Variants in DST observed in about 807,000 individuals in gnomAD.
The protein encoded by DST is dystonin.
DST carries 253 observed loss-of-function variants against 875.2 expected under a neutral mutation model. That is an observed-to-expected ratio of 0.29 (90% CI 0.26 to 0.32). The LOEUF is 0.32. DST is among the 10% of genes least tolerant of loss of function. The pLI is 1.00. For missense variants in DST, 8,287 were observed against 9,111.6 expected (o/e 0.91, Z 3.68); for synonymous variants, 3,124 against 3,197.1 (o/e 0.98, Z 0.77).
intron 80 of DST, 85 bp from the exon 81 acceptor site, chr6:56,498,138 T>A: frequency 7.6e-7 from 1 of 1,322,150 alleles, no homozygotes; most frequent in African/African-American, 1.5e-5. Context: ...TTTCTGGTTA[T>A]GAAACATCCT....
intron 32 of DST, 106 bp downstream of exon 32, chr6:56,629,144 A>G (rs531093261): frequency 1.8e-6 from 2 of 1,119,892 alleles, no homozygotes; most frequent in East Asian, 2.4e-5. Flanking sequence ...GTAATTAACA[A>G]ATTAACTATG....
At chr6:56,831,184 T>C (rs2099786508) in intron 4 of DST, among the ~76,000 whole-genome samples, 1 of 152,206 alleles carries the variant, frequency 6.6e-6, no homozygotes, top group Admixed American at 6.5e-5. Context: ...AATCTTTACA[T>C]TTGCTGAGCC....
rs2273973 is a variant in DST, at chr6:56,477,183, G to T, written c.21675+162C>A. ...TTGAGCTTTTAAAGAAAAGTGAATT[G>T]CAGAGATTGTAATGCATACAAGAAG... On this transcript the variant is annotated intron_variant, in intron 91 of 103. Coordinates refer to ENST00000680361, the MANE Select transcript of DST (RefSeq NM_001374736.1). Among the ~76,000 whole-genome samples the T allele has an allele frequency of 0.32, 48,493 of 151,982 alleles. 7,969 individuals are homozygous for T. Among genetic ancestry groups the T allele is most frequent in the Middle Eastern group, 0.44 (128 of 294 alleles).
intron 4 of DST, among the ~76,000 whole-genome samples, chr6:56,806,832 A>G (rs1275221106): frequency 6.6e-6 from 1 of 152,182 alleles, no homozygotes; most frequent in Non-Finnish European, 1.5e-5. Flanking sequence ...TATTATCCCT[A>G]TTTTATAGAC....
chr6:56,469,762 A>C (rs2094789670), intron 97 of DST, 121 bp downstream of exon 97: 1 of 827,040 alleles, frequency 1.2e-6, no homozygotes, highest in Non-Finnish European at 2.0e-6. Flanking sequence ...ATACCATTAA[A>C]TTTTGACATG....
At position 56,595,784 on chromosome 6, in the gene DST, CA is replaced by C. The variant is rs372758573; in HGVS notation, c.12196-1592del. Among the ~76,000 whole-genome samples, 17 of 135,366 alleles carry C rather than the reference CA, an allele frequency of 1.3e-4. 1 individual carries two copies. Among genetic ancestry groups the C allele is most frequent in the African/African-American group, 5.7e-4 (15 of 26,136 alleles). 88.8% of individuals were successfully genotyped at this position (135,366 alleles called of 152,430 possible). ...TTGAAATACATTCATATGCTACCCCCACCCCACCCCGAGAAGGGCTTTGCAC... is the reference window on the plus strand; with the variant it reads ...TTGAAATACATTCATATGCTACCCCCCCCCACCCCGAGAAGGGCTTTGCAC... On this transcript the variant is annotated intron_variant, in intron 47 of 103. Transcript: ENST00000680361.
intron 55 of DST, among the ~76,000 whole-genome samples, chr6:56,565,156 T>TGTC (rs1407285266): frequency 6.7e-6 from 1 of 149,490 alleles, no homozygotes; most frequent in Non-Finnish European, 1.5e-5. Flanking sequence ...AGTATTGCTC[T>TGTC]GTCACCCAGG....
At position 56,482,761 on chromosome 6, in the gene DST, C is replaced by T. The variant is rs1257017632; in HGVS notation, c.21324G>A (p.Gln7108=). The change falls in exon 89 of 104, where the codon CAG becomes CAA. Residue 7108 remains glutamine (Q), a synonymous_variant. Transcript: ENST00000680361. ...DDSSWVKVQM[Q]ELSTRWETVC... is the part of the protein sequence containing the mutation. ...CGGTCTCCCAGCGTGTGCTTAATTC[C>T]TGCATCTGGACCTTGACCCAGGAGG... 7.4e-6 allele frequency: 12 copies of T among 1,613,776 alleles called. No homozygotes were observed. The highest frequency in any genetic ancestry group is 3.3e-4 in the Middle Eastern group (2 of 6,082).
intron 4 of DST, among the ~76,000 whole-genome samples, chr6:56,757,054 T>C (rs1031113287): frequency 1.3e-5 from 2 of 152,182 alleles, no homozygotes; most frequent in African/African-American, 2.4e-5. Context: ...CAGACTATTT[T>C]CATTTTAAAG....
intron 4 of DST, among the ~76,000 whole-genome samples, chr6:56,811,640 T>C (rs1025027418): frequency 7.2e-5 from 11 of 152,202 alleles, no homozygotes; most frequent in African/African-American, 2.7e-4. Context: ...TCAGCCTTAT[T>C]TTCCCATTTG....
chr6:56,559,236 T>C (rs747043618), intron 58 of DST, among the ~76,000 whole-genome samples: 1 of 152,120 alleles, frequency 6.6e-6, no homozygotes, highest in Non-Finnish European at 1.5e-5. Flanking sequence ...CCAGAAGGTT[T>C]TTTGAACTAC....
intron 58 of DST, 60 bp from the exon 59 acceptor site, chr6:56,557,578 T>C: frequency 7.9e-7 from 1 of 1,259,224 alleles, no homozygotes. Flanking sequence ...TGACTATGTC[T>C]ATGAGGACTG....
In DST at chr6:56,874,281, G is replaced by C. The variant is rs560137760; in HGVS notation, c.418-22677C>G. The stretch of plus-strand genomic sequence containing the variant: ...TTGAGCCCCGGAGTTCAAGGCTGCA[G>C]AGAGCTATGAGTGCACCACTTCTCT... On this transcript the variant is annotated intron_variant, in intron 3 of 103. Transcript: ENST00000680361. 2.6e-5 allele frequency among the ~76,000 whole-genome samples: 4 copies of C among 152,250 alleles called. No homozygotes were observed. In the East Asian group the frequency reaches 7.7e-4, roughly 29 times the overall value.
At chr6:56,557,177 G>A in intron 59 of DST, 142 bp downstream of exon 59, 2 of 732,272 alleles carry the variant, frequency 2.7e-6, no homozygotes, top group Non-Finnish European at 4.4e-6. Flanking sequence ...GTATCTTATG[G>A]GCATCTGAAA....
At chr6:56,634,433 C>G in intron 26 of DST, 29 bp downstream of exon 26, 1 of 1,612,712 alleles carries the variant, frequency 6.2e-7, no homozygotes. Context: ...CCAAAACTAG[C>G]TCAACATTTT....
At chr6:56,767,403 G>A (rs1008501302) in intron 4 of DST, among the ~76,000 whole-genome samples, 3 of 151,986 alleles carry the variant, frequency 2.0e-5, no homozygotes, top group Non-Finnish European at 4.4e-5. Flanking sequence ...GATCACTTGA[G>A]GTCAGGCATT....
chr6:56,501,703 A>G lies in DST; in HGVS notation c.19567-10T>C. 1.9e-6 allele frequency: 3 copies of G among 1,565,166 alleles called. No homozygotes were observed. Among genetic ancestry groups the G allele is most frequent in the Non-Finnish European group, 2.6e-6 (3 of 1,157,698 alleles). ...CCTCAGACTTAAATTGCTATTTTAA[A>G]AGAGATATACAAAGAAAATATTGTT... On this transcript the variant is annotated splice_polypyrimidine_tract_variant and intron_variant, in intron 78 of 103. Coordinates refer to ENST00000680361, the MANE Select transcript of DST (RefSeq NM_001374736.1).
Position 56,529,732 on chromosome 6 carries a change from G to A in DST, c.17311C>T (p.Gln5771Ter), listed in dbSNP as rs1303769135. The A allele has an allele frequency of 6.2e-7, 1 of 1,606,994 alleles. No homozygotes were observed. Among genetic ancestry groups the A allele is most frequent in the Admixed American group, 1.7e-5 (1 of 59,028 alleles). Residue 5771 changes from glutamine to a stop codon, truncating the protein, a stop_gained, in exon 66 of 104, where the codon CAG (glutamine) becomes TAG (stop). Transcript: ENST00000680361. LOFTEE classifies it high-confidence loss of function. ...AAGGACTGGCCAATGCTAACAGCCT[G>A]GTGTAAATGTTTATTGTGATTGATG... Reference protein sequence around the residue: ...DIINHNKHLHQAVSIGQSLKV... With the variant: ...DIINHNKHLH
At chr6:56,507,597 G>GTT (rs1475297661) in intron 75 of DST, among the ~76,000 whole-genome samples, 1 of 152,216 alleles carries the variant, frequency 6.6e-6, no homozygotes, top group African/African-American at 2.4e-5. Flanking sequence ...TGCCAGTAGA[G>GTT]TGGCAGGAAG....
Sources: gnomAD v4.1 joint callset for allele counts (sites outside exome capture counted in the v4.1 genomes callset) on GRCh38, gnomAD v4.1.1 for gene constraint, MANE v1.5 for transcripts, NCBI Gene and HGNC (gene_info 2026-07-23, HGNC 2026-07-21) for gene names.